Variants in COL11A1 observed in about 807,000 individuals in gnomAD.
The protein encoded by COL11A1 is collagen type XI alpha 1 chain, also known as collagen alpha-1(XI) chain.
COL11A1 carries 74 observed loss-of-function variants against 265.2 expected under a neutral mutation model. The observed-to-expected ratio is 0.28, with a 90% CI of 0.23 to 0.34. COL11A1 has a LOEUF of 0.34. COL11A1 is among the 10% of genes least tolerant of loss of function. COL11A1 has a pLI of 1.00. For synonymous variants in COL11A1, 816 were observed against 727.6 expected, an observed-to-expected ratio of 1.12 and a Z score of -1.96; for missense variants, 2,165 against 2,263.6, an observed-to-expected ratio of 0.96 and a Z score of 0.88.
chr1:103,025,978 T>C (rs1279679304), intron 6 of COL11A1: 4 of 1,603,084 alleles, frequency 2.5e-6, no homozygotes, highest in Admixed American at 1.7e-5. Context: ...AAAGATGGAA[T>C]GGAAAACATA....
chr1:102,912,056 C>G (rs1049116197), intron 54 of COL11A1, 103 bp downstream of exon 54: 2 of 944,386 alleles, frequency 2.1e-6, no homozygotes, highest in African/African-American at 3.4e-5. Context: ...TGATATTTCT[C>G]ATTATTCTTA....
intron 36 of COL11A1, among the ~76,000 whole-genome samples, chr1:102,972,281 A>G (rs890957951): frequency 6.6e-6 from 1 of 152,120 alleles, no homozygotes; most frequent in Non-Finnish European, 1.5e-5. Flanking sequence ...TACAAGACTT[A>G]CTTTTTTTTA....
chr1:103,063,431 T>C (rs1670829095), intron 4 of COL11A1, among the ~76,000 whole-genome samples: 1 of 152,122 alleles, frequency 6.6e-6, no homozygotes, highest in African/African-American at 2.4e-5. Context: ...ACTAAACTGA[T>C]CTTTGACAAA....
chr1:103,067,749 AG>A, intron 4 of COL11A1, among the ~76,000 whole-genome samples: 1 of 151,824 alleles, frequency 6.6e-6, no homozygotes, highest in Admixed American at 6.6e-5. Context: ...ATTAATATAA[AG>A]AATAAAAAGT....
At chr1:103,020,048 T>C (rs1243621092) in intron 9 of COL11A1, among the ~76,000 whole-genome samples, 5 of 150,660 alleles carry the variant, frequency 3.3e-5, no homozygotes, top group African/African-American at 1.2e-4. Flanking sequence ...GCAATAAACA[T>C]ACATGTGCAT....
At chr1:102,904,355 A>C (rs1460247306) in intron 54 of COL11A1, among the ~76,000 whole-genome samples, 1 of 152,166 alleles carries the variant, frequency 6.6e-6, no homozygotes, top group Admixed American at 6.6e-5. Flanking sequence ...AATGGCAACA[A>C]AAGCCAAAAT....
intron 4 of COL11A1, among the ~76,000 whole-genome samples, chr1:103,052,175 C>T (rs1669891467): frequency 6.6e-6 from 1 of 152,008 alleles, no homozygotes; most frequent in African/African-American, 2.4e-5. Context: ...TTTATTTGAA[C>T]CAATATTCAA....
chr1:102,947,788 A>T (rs1407703983), intron 41 of COL11A1, among the ~76,000 whole-genome samples: 4 of 151,982 alleles, frequency 2.6e-5, no homozygotes, highest in Non-Finnish European at 5.9e-5. Context: ...GCAAACATAC[A>T]TACTAAGTAT....
At chr1:103,002,027 A>T in intron 23 of COL11A1, 58 bp from the exon 24 acceptor site, 1 of 1,411,870 alleles carries the variant, frequency 7.1e-7, no homozygotes, top group East Asian at 2.3e-5. Flanking sequence ...ATATGCTTTT[A>T]AAACAGCAAA....
intron 41 of COL11A1, among the ~76,000 whole-genome samples, chr1:102,950,827 T>C (rs1009881645): frequency 1.3e-5 from 2 of 152,194 alleles, no homozygotes; most frequent in Admixed American, 1.3e-4. Context: ...TATCCCCACC[T>C]GTCAAGGGAG....
chr1:102,879,618 C>A, intron 66 of COL11A1, 65 bp downstream of exon 66: 1 of 1,438,468 alleles, frequency 7.0e-7, no homozygotes. Flanking sequence ...GGCTAAGGAC[C>A]GACTGAAACG....
chr1:103,025,953 C>G, intron 6 of COL11A1: 2 of 1,610,382 alleles, frequency 1.2e-6, no homozygotes, highest in Non-Finnish European at 1.7e-6. Flanking sequence ...ATTTCTTTTT[C>G]TGTAAAATGT....
At chr1:102,981,676 A>T (rs1325025249) in intron 31 of COL11A1, among the ~76,000 whole-genome samples, 1 of 152,046 alleles carries the variant, frequency 6.6e-6, no homozygotes. Context: ...ACCCGTTTTT[A>T]TATGGAAACA....
In COL11A1 at chr1:102,997,180, A is replaced by ACGAAAGTATTT. The variant is rs1553230137; in HGVS notation, c.2197-57_2197-56insAAATACTTTCG. 3.6e-6 allele frequency: 5 copies of ACGAAAGTATTT among 1,381,024 alleles called. No individual in the cohort carries two copies. In the African/African-American group the frequency reaches 4.3e-5, roughly 12 times the overall value. The allele number at this position is 1,381,024 out of a possible 1,614,324, so 85.5% of individuals were successfully genotyped here. A position where few individuals can be genotyped will look rare whatever the true frequency, so the allele number is the denominator to read the frequency against. ...ATGTAATATAAACATAGTTGATAAT[A>ACGAAAGTATTT]CTACGAAAGTATTTCTTTTGTTATT... On this transcript the variant is annotated intron_variant, in intron 25 of 66. Transcript: ENST00000370096.
chr1:103,016,288 AAT>A, intron 11 of COL11A1, among the ~76,000 whole-genome samples: 1 of 151,934 alleles, frequency 6.6e-6, no homozygotes, highest in Non-Finnish European at 1.5e-5. Flanking sequence ...TTAGCATGTT[AAT>A]GTTAATCATA....
chr1:102,887,665 G>A (rs1369544188), intron 62 of COL11A1, among the ~76,000 whole-genome samples: 5 of 152,076 alleles, frequency 3.3e-5, no homozygotes, highest in African/African-American at 1.2e-4. Flanking sequence ...ACAAAAATTT[G>A]TAATGTTGAA....
chr1:103,060,990 C>T (rs776318610), intron 4 of COL11A1, among the ~76,000 whole-genome samples: 5 of 151,540 alleles, frequency 3.3e-5, no homozygotes, highest in Non-Finnish European at 7.4e-5. Context: ...AAAACCAAGG[C>T]TCAATTACAT....
intron 9 of COL11A1, among the ~76,000 whole-genome samples, chr1:103,020,987 CTT>C (rs374486333): frequency 1.2e-3 from 179 of 143,844 alleles, no homozygotes; most frequent in African/African-American, 4.0e-3. Context: ...CTACAACTAT[CTT>C]TTTATTCTTT....
intron 36 of COL11A1, 70 bp downstream of exon 36, chr1:102,974,760 T>C (rs1377091608): frequency 2.0e-5 from 23 of 1,142,758 alleles, no homozygotes; most frequent in African/African-American, 3.1e-5. Flanking sequence ...AATATATAAA[T>C]GTAAGCTGTG....
Sources: gnomAD v4.1 joint callset for allele counts (sites outside exome capture counted in the v4.1 genomes callset) on GRCh38, gnomAD v4.1.1 for gene constraint, MANE v1.5 for transcripts, NCBI Gene and HGNC (gene_info 2026-07-23, HGNC 2026-07-21) for gene names.